The following MAGI1 variants were observed in gnomAD, a reference collection of about 807,000 sequenced individuals.
MAGI1 encodes the protein membrane associated guanylate kinase, WW and PDZ domain containing 1, also known as membrane-associated guanylate kinase, WW and PDZ domain-containing protein 1.
MAGI1 carries 58 observed loss-of-function variants against 139.9 expected under a neutral mutation model. The ratio of observed to expected loss-of-function variants is 0.41; its 90% CI spans 0.34 to 0.52. The LOEUF (loss-of-function observed/expected upper bound fraction) is 0.52, where lower values mean the gene tolerates loss of function less well. Among genes scored for constraint, MAGI1 ranks in the 20% least tolerant of loss-of-function variants. MAGI1 has a pLI of 0.12. For missense variants in MAGI1, 1,874 were observed against 1,901.6 expected (o/e 0.99, Z 0.27); for synonymous variants, 812 against 737.9 (o/e 1.10, Z -1.63).
At chr3:65,541,195 C>T (rs1483313115) in intron 2 of MAGI1, among the ~76,000 whole-genome samples, 3 of 152,122 alleles carry the variant, frequency 2.0e-5, no homozygotes, top group Non-Finnish European at 2.9e-5. Flanking sequence ...TTCCTGGACA[C>T]AAACACCCTC....
chr3:65,452,083 C>T (rs1017899869), intron 6 of MAGI1, among the ~76,000 whole-genome samples: 1 of 152,016 alleles, frequency 6.6e-6, no homozygotes. Context: ...GCTGAATGAA[C>T]CTGTTCTATT....
intron 12 of MAGI1, chr3:65,401,934 A>C: frequency 4.1e-6 from 4 of 983,212 alleles, no homozygotes; most frequent in Non-Finnish European, 3.6e-6. Context: ...AAATTAAAAA[A>C]ATTTTTTTGG....
chr3:65,549,597 C>A (rs2079717609), intron 2 of MAGI1: 4 of 460,686 alleles, frequency 8.7e-6, no homozygotes, highest in Non-Finnish European at 1.1e-5. Context: ...GGCGTCAATG[C>A]GCGCTATTCA....
Position 65,468,559 on chromosome 3 carries a change from T to C in MAGI1, c.959+1724A>G, listed in dbSNP as rs114731862. Among the ~76,000 whole-genome samples the C allele has an allele frequency of 7.9e-3, 1,198 of 151,774 alleles. 8 individuals carry two copies. Among genetic ancestry groups the C allele is most frequent in the Non-Finnish European group, 0.014 (930 of 67,906 alleles). On this transcript the variant is annotated intron_variant, in intron 5 of 22. Coordinates refer to ENST00000402939, the MANE Select transcript of MAGI1 (RefSeq NM_001033057.2). ...CCTGGCTAATTTTTGTATTTTTAAA[T>C]AGAGATGGAGTTTCGCCATGTTGGC...
chr3:65,768,614 C>T (rs1183844815), intron 1 of MAGI1, among the ~76,000 whole-genome samples: 1 of 152,148 alleles, frequency 6.6e-6, no homozygotes, highest in Non-Finnish European at 1.5e-5. Context: ...TCCTGCAAGG[C>T]TCACATAATA....
chr3:65,592,673 G>T (rs956522225), intron 2 of MAGI1, among the ~76,000 whole-genome samples: 3 of 152,128 alleles, frequency 2.0e-5, no homozygotes, highest in African/African-American at 7.2e-5. Flanking sequence ...GGAAACAAAG[G>T]AACACACGCA....
chr3:65,512,635 A>T (rs2107760276), intron 2 of MAGI1, among the ~76,000 whole-genome samples: 1 of 152,176 alleles, frequency 6.6e-6, no homozygotes, highest in Admixed American at 6.5e-5. Flanking sequence ...ATAGACCAAT[A>T]ACAGGAGCTG....
chr3:65,360,387 C>T, intron 22 of MAGI1: 2 of 954,298 alleles, frequency 2.1e-6, no homozygotes, highest in Non-Finnish European at 2.5e-6. Flanking sequence ...ACACAAATCT[C>T]AAATAAATAG....
chr3:65,609,296 G>A (rs555027331), intron 2 of MAGI1, among the ~76,000 whole-genome samples: 1 of 117,946 alleles, frequency 8.5e-6, no homozygotes, highest in Non-Finnish European at 1.8e-5. Flanking sequence ...TTTTTTTTTT[G>A]AGATGGAGTC....
chr3:65,506,517 C>T (rs1370076500), intron 2 of MAGI1, among the ~76,000 whole-genome samples: 1 of 152,066 alleles, frequency 6.6e-6, no homozygotes, highest in Non-Finnish European at 1.5e-5. Flanking sequence ...TTTTCCATCC[C>T]TAATCACCAT....
At chr3:65,791,285 C>A (rs926138158) in intron 1 of MAGI1, among the ~76,000 whole-genome samples, 12 of 152,108 alleles carry the variant, frequency 7.9e-5, no homozygotes, top group African/African-American at 1.9e-4. Context: ...CCAAGAGGGG[C>A]GCATCAGACA....
At chr3:65,858,319 A>C (rs1016534978) in intron 1 of MAGI1, among the ~76,000 whole-genome samples, 1 of 152,186 alleles carries the variant, frequency 6.6e-6, no homozygotes, top group Non-Finnish European at 1.5e-5. Context: ...ATACGAAGTG[A>C]TGTTGTGATT....
chr3:65,907,920 G>A (rs547185774), intron 1 of MAGI1, among the ~76,000 whole-genome samples: 7 of 152,184 alleles, frequency 4.6e-5, no homozygotes, highest in Middle Eastern at 3.4e-3. Flanking sequence ...CCCCTGTCAC[G>A]TGTTACCCCG....
chr3:65,518,398 G>A (rs1418252451), intron 2 of MAGI1, among the ~76,000 whole-genome samples: 2 of 152,210 alleles, frequency 1.3e-5, no homozygotes, highest in African/African-American at 4.8e-5. Flanking sequence ...ACTAGCGCAG[G>A]CTAGGCACGC....
intron 1 of MAGI1, among the ~76,000 whole-genome samples, chr3:65,794,427 A>C (rs2649188): frequency 0.45 from 68,428 of 151,968 alleles, 16,493 homozygotes; most frequent in East Asian, 0.75. Flanking sequence ...CCAGTGACTA[A>C]GACTGCGCCC....
intron 1 of MAGI1, among the ~76,000 whole-genome samples, chr3:65,870,647 G>A (rs1054587832): frequency 4.6e-5 from 7 of 150,800 alleles, no homozygotes; most frequent in South Asian, 2.1e-4. Flanking sequence ...GCAGGGTGGG[G>A]GGGGTAGGAA....
intron 1 of MAGI1, among the ~76,000 whole-genome samples, chr3:65,629,637 T>C (rs983493704): frequency 2.6e-5 from 4 of 151,956 alleles, no homozygotes; most frequent in Admixed American, 1.3e-4. Context: ...AAATTATAAA[T>C]TGAAAAACAA....
At chr3:65,965,211 T>C (rs2064680261) in intron 1 of MAGI1, among the ~76,000 whole-genome samples, 1 of 152,310 alleles carries the variant, frequency 6.6e-6, no homozygotes, top group Admixed American at 6.5e-5. Context: ...ACATACAAAC[T>C]CCGAGGATCA....
intron 1 of MAGI1, among the ~76,000 whole-genome samples, chr3:65,785,112 A>G (rs13317653): frequency 0.012 from 1,841 of 152,362 alleles, 42 homozygotes; most frequent in African/African-American, 0.041. Context: ...TGTATGACAT[A>G]TTAGTTATAT....
Sources: gnomAD v4.1 joint callset for allele counts (sites outside exome capture counted in the v4.1 genomes callset) on GRCh38, gnomAD v4.1.1 for gene constraint, MANE v1.5 for transcripts, NCBI Gene and HGNC (gene_info 2026-07-23, HGNC 2026-07-21) for gene names.